Variants in CNOT6 observed in about 807,000 individuals in gnomAD.
The protein encoded by CNOT6 is CCR4-NOT transcription complex subunit 6.
A neutral mutation model predicts 61.2 loss-of-function variants in CNOT6; 12 were observed. The ratio of observed to expected loss-of-function variants is 0.20; its 90% CI spans 0.13 to 0.32. CNOT6 has a LOEUF of 0.32. CNOT6 is among the 10% of genes least tolerant of loss of function. The probability of loss-of-function intolerance (pLI) is 1.00; values close to 1 mark genes in which losing one functional copy is unlikely to be tolerated. For synonymous variants in CNOT6, 225 were observed against 240.6 expected (o/e 0.94, Z 0.60); for missense variants, 405 against 663.9 (o/e 0.61, Z 4.28).
At chr5:180,547,206 T>A (rs932828824) in intron 2 of CNOT6, among the ~76,000 whole-genome samples, 1 of 118,958 alleles carries the variant, frequency 8.4e-6, no homozygotes, top group East Asian at 2.1e-4. Context: ...TGACAGGATT[T>A]TTTTTTTCCT....
At chr5:180,562,382 T>G (rs1310266693) in intron 4 of CNOT6, among the ~76,000 whole-genome samples, 2 of 152,200 alleles carry the variant, frequency 1.3e-5, no homozygotes, top group African/African-American at 4.8e-5. Context: ...TTTATTGTTA[T>G]TGACTTTATT....
In CNOT6 at chr5:180,574,235, G is replaced by A. The variant is rs764469030; in HGVS notation, c.*35G>A. ...TTCAGAGGACAGCCTTGATTCACTT[G>A]TAAACTTGTGAAAATCTGAACATAG... On this transcript the variant is annotated 3_prime_UTR_variant, in exon 12 of 12. Coordinates refer to ENST00000261951, the MANE Select transcript of CNOT6 (RefSeq NM_001370472.1). 5.8e-6 allele frequency: 9 copies of A among 1,558,856 alleles called. No homozygotes were observed. Among genetic ancestry groups the A allele is most frequent in the South Asian group, 5.6e-5 (5 of 89,780 alleles).
At chr5:180,523,256 T>C (rs1311742908) in intron 1 of CNOT6, among the ~76,000 whole-genome samples, 1 of 152,184 alleles carries the variant, frequency 6.6e-6, no homozygotes, top group Non-Finnish European at 1.5e-5. Flanking sequence ...GTACCCCTTT[T>C]CTTTTCCCCT....
intron 4 of CNOT6, 146 bp from the exon 5 acceptor site, chr5:180,564,343 A>G: frequency 1.6e-6 from 1 of 632,524 alleles, no homozygotes; most frequent in Non-Finnish European, 2.8e-6. Context: ...TATATCAGAA[A>G]CTGAAAAAAC....
chr5:180,549,627 C>A (rs905691729), intron 2 of CNOT6, among the ~76,000 whole-genome samples: 1 of 150,988 alleles, frequency 6.6e-6, no homozygotes, highest in Non-Finnish European at 1.5e-5. Flanking sequence ...CCAGCCTGGG[C>A]AACAGAGCGA....
chr5:180,515,703 G>C (rs1757603249), intron 1 of CNOT6, among the ~76,000 whole-genome samples: 1 of 152,034 alleles, frequency 6.6e-6, no homozygotes, highest in Non-Finnish European at 1.5e-5. Context: ...ACTTACAGTA[G>C]CTCTAAGGAG....
At chr5:180,568,572 A>G (rs926329887) in intron 9 of CNOT6, among the ~76,000 whole-genome samples, 1 of 151,036 alleles carries the variant, frequency 6.6e-6, no homozygotes, top group African/African-American at 2.4e-5. Context: ...ATAAATAAAT[A>G]TAAATAAATA....
At chr5:180,543,743 G>A (rs1759161105) in intron 2 of CNOT6, among the ~76,000 whole-genome samples, 1 of 152,070 alleles carries the variant, frequency 6.6e-6, no homozygotes, top group Non-Finnish European at 1.5e-5. Flanking sequence ...GTCAATATTG[G>A]ATATTAGTCT....
chr5:180,572,293 G>A (rs1337415445), intron 11 of CNOT6, among the ~76,000 whole-genome samples: 1 of 152,048 alleles, frequency 6.6e-6, no homozygotes, highest in African/African-American at 2.4e-5. Flanking sequence ...AGGTTCAAGT[G>A]ATTCTCATAC....
chr5:180,503,262 C>CTTTTT (rs66503357), intron 1 of CNOT6, among the ~76,000 whole-genome samples: 1 of 133,848 alleles, frequency 7.5e-6, no homozygotes, highest in Non-Finnish European at 1.6e-5. Context: ...TTGTATTTTT[C>CTTTTT]TTTTTTTTTT....
At chr5:180,555,010 C>CTTT (rs34968726) in intron 4 of CNOT6, among the ~76,000 whole-genome samples, 1 of 140,520 alleles carries the variant, frequency 7.1e-6, no homozygotes, top group East Asian at 2.0e-4. Flanking sequence ...CACAAATTTG[C>CTTT]TTTTTTTTTT....
At chr5:180,537,910 T>G (rs184598785) in intron 2 of CNOT6, among the ~76,000 whole-genome samples, 125 of 152,142 alleles carry the variant, frequency 8.2e-4, no homozygotes, top group African/African-American at 2.8e-3. Flanking sequence ...AAGTATTCGC[T>G]TATTTGTGAT....
At chr5:180,522,345 C>T (rs1157525128) in intron 1 of CNOT6, among the ~76,000 whole-genome samples, 1 of 151,952 alleles carries the variant, frequency 6.6e-6, no homozygotes, top group African/African-American at 2.4e-5. Context: ...GAATTCTTGG[C>T]TCAGGTGATC....
At position 180,572,283 on chromosome 5, in the gene CNOT6, A is replaced by G. The variant is rs186194305; in HGVS notation, c.1461+851A>G. On this transcript the variant is annotated intron_variant, in intron 11 of 11. Transcript: ENST00000261951. ...CGGCTCACTGCAACCTCCACCTCCC[A>G]GGTTCAAGTGATTCTCATACCTCAG... 6.0e-4 allele frequency among the ~76,000 whole-genome samples: 91 copies of G among 151,908 alleles called. No homozygotes were observed. In the Middle Eastern group the frequency reaches 0.024, roughly 40 times the overall value.
rs376367895 is a variant in CNOT6 at position 180,539,836 on chromosome 5, G to A, written c.113-10095G>A. 8.9e-4 allele frequency among the ~76,000 whole-genome samples: 135 copies of A among 151,888 alleles called. 1 individual carries two copies. In the South Asian group the frequency reaches 0.014, roughly 15 times the overall value. ...CATCTCCTGACCTCATGATCCGCCC[G>A]CCTCGGCCTCCCAAAGTGCTGGGAT... On this transcript the variant is annotated intron_variant, in intron 2 of 11. Transcript: ENST00000261951.
chr5:180,502,779 G>A (rs1756922647), intron 1 of CNOT6, among the ~76,000 whole-genome samples: 1 of 152,212 alleles, frequency 6.6e-6, no homozygotes, highest in South Asian at 2.1e-4. Context: ...AAACAGAGAT[G>A]AAGATATGAC....
chr5:180,538,710 A>G (rs1008897093), intron 2 of CNOT6, among the ~76,000 whole-genome samples: 1 of 145,740 alleles, frequency 6.9e-6, no homozygotes, highest in Non-Finnish European at 1.5e-5. Flanking sequence ...ATATATATAT[A>G]TATATACAAA....
chr5:180,546,638 T>C (rs937660836), intron 2 of CNOT6, among the ~76,000 whole-genome samples: 5 of 152,252 alleles, frequency 3.3e-5, no homozygotes, highest in Non-Finnish European at 7.3e-5. Flanking sequence ...ACATTTTAAA[T>C]AGTTGTAGAG....
At chr5:180,552,485 C>CA (rs74636591) in intron 3 of CNOT6, among the ~76,000 whole-genome samples, 2,319 of 144,472 alleles carry the variant, frequency 0.016, 47 homozygotes, top group African/African-American at 0.054. Context: ...ACTAAAAATA[C>CA]AAAAAAAAAA....
Sources: gnomAD v4.1 joint callset for allele counts (sites outside exome capture counted in the v4.1 genomes callset) on GRCh38, gnomAD v4.1.1 for gene constraint, MANE v1.5 for transcripts, NCBI Gene and HGNC (gene_info 2026-07-23, HGNC 2026-07-21) for gene names.